Variants in SHANK2 observed in about 807,000 individuals in gnomAD.
SHANK2 encodes SH3 and multiple ankyrin repeat domains 2, also known as SH3 and multiple ankyrin repeat domains protein 2.
In SHANK2, 43 loss-of-function variants were observed where a neutral mutation model predicts 133.7. The observed-to-expected ratio is 0.32, with a 90% CI of 0.25 to 0.41. SHANK2 has a LOEUF of 0.41. Ranked by LOEUF, SHANK2 falls within the 10% of genes least tolerant of loss-of-function variation. The pLI is 1.00. For synonymous variants in SHANK2, 1,017 were observed against 952.8 expected (o/e 1.07, Z -1.24); for missense variants, 1,994 against 2,235.8 (o/e 0.89, Z 2.18).
At chr11:70,719,652 G>A (rs1555028496) in intron 14 of SHANK2, among the ~76,000 whole-genome samples, 1 of 152,030 alleles carries the variant, frequency 6.6e-6, no homozygotes, top group Admixed American at 6.6e-5. Context: ...CACGCCAGGG[G>A]CCCAGGGGGC....
Position 71,093,002 on chromosome 11 carries a change from A to G in SHANK2, c.745-413T>C, listed in dbSNP as rs1472973498. Among the ~76,000 whole-genome samples the G allele has an allele frequency of 3.1e-5, 4 of 130,048 alleles. No individual in the cohort carries two copies. In the South Asian group the frequency reaches 1.1e-3, roughly 36 times the overall value. The allele number at this position is 130,048 out of a possible 152,430, so 85.3% of individuals were successfully genotyped here. On this transcript the variant is annotated intron_variant, in intron 7 of 25. Transcript: ENST00000601538. ...GGTTGCAGTGATCCAAGATTGCACC[A>G]TTGCACTCCAGCCTGGGCAACAAGA...
chr11:70,525,120 G>T (rs1554971873), intron 17 of SHANK2, among the ~76,000 whole-genome samples: 2 of 152,240 alleles, frequency 1.3e-5, no homozygotes, highest in Non-Finnish European at 2.9e-5. Context: ...CAGTACCCAT[G>T]GCAAACAGGG....
intron 2 of SHANK2, among the ~76,000 whole-genome samples, chr11:71,153,082 C>A (rs1952827845): frequency 1.3e-5 from 2 of 152,188 alleles, no homozygotes; most frequent in Non-Finnish European, 2.9e-5. Flanking sequence ...TCTGGCAACA[C>A]CATGGGAGAG....
At chr11:70,491,627 G>A (rs1555155850) in intron 22 of SHANK2, among the ~76,000 whole-genome samples, 1 of 152,270 alleles carries the variant, frequency 6.6e-6, no homozygotes, top group Non-Finnish European at 1.5e-5. Context: ...ACTAAGGTAA[G>A]CAATCAGGAC....
intron 14 of SHANK2, among the ~76,000 whole-genome samples, chr11:70,742,173 G>T (rs1555034908): frequency 6.6e-6 from 1 of 152,194 alleles, no homozygotes; most frequent in Non-Finnish European, 1.5e-5. Context: ...CACATCCCCT[G>T]TGGCCTCATG....
At chr11:71,110,255 G>A (rs560871171) in intron 5 of SHANK2, among the ~76,000 whole-genome samples, 165 of 152,220 alleles carry the variant, frequency 1.1e-3, no homozygotes, top group African/African-American at 3.9e-3. Flanking sequence ...TGGCTAACAC[G>A]GTGAAACCCT....
intron 2 of SHANK2, among the ~76,000 whole-genome samples, chr11:71,169,501 GC>G (rs782035847): frequency 5.3e-5 from 8 of 152,156 alleles, no homozygotes; most frequent in Non-Finnish European, 8.8e-5. Flanking sequence ...TATAATCCTA[GC>G]CACTTTGGGA....
intron 14 of SHANK2, among the ~76,000 whole-genome samples, chr11:70,740,442 A>G (rs1555034483): frequency 6.6e-6 from 1 of 151,952 alleles, no homozygotes. Context: ...GGCTGGGACC[A>G]CCCACCCTCC....
intron 17 of SHANK2, among the ~76,000 whole-genome samples, chr11:70,608,043 C>T (rs560637391): frequency 6.6e-6 from 1 of 152,360 alleles, no homozygotes; most frequent in African/African-American, 2.4e-5. Flanking sequence ...GGGCTCCTGA[C>T]CACTGCCCGC....
At position 71,110,205 on chromosome 11, in the gene SHANK2, G is replaced by A. The variant is rs553490469; in HGVS notation, c.484-156C>T. On this transcript the variant is annotated intron_variant, in intron 5 of 25. Transcript: ENST00000601538. ...TGTAATCCCAGCACTTTGTGAGGCCGAGGCGGGCAGATCACGAGGTCAGGA... is the reference window on the plus strand; with the variant it reads ...TGTAATCCCAGCACTTTGTGAGGCCAAGGCGGGCAGATCACGAGGTCAGGA... 3.9e-5 allele frequency among the ~76,000 whole-genome samples: 6 copies of A among 152,312 alleles called. No homozygotes were observed. In the South Asian group the frequency reaches 6.2e-4, roughly 16 times the overall value.
intron 2 of SHANK2, among the ~76,000 whole-genome samples, chr11:71,215,179 G>A (rs1187039683): frequency 6.6e-6 from 1 of 152,168 alleles, no homozygotes; most frequent in Admixed American, 6.5e-5. Flanking sequence ...TCCGAGTGCT[G>A]GAAAGAACCA....
At chr11:70,856,930 T>A (rs1188815466) in intron 11 of SHANK2, among the ~76,000 whole-genome samples, 32 of 152,230 alleles carry the variant, frequency 2.1e-4, no homozygotes, top group Admixed American at 2.1e-3. Context: ...CACCCCTGGC[T>A]GGCCCTTCCT....
In SHANK2 at chr11:71,175,551, G is replaced by GGAGGGAGA. The variant is rs1953419078; in HGVS notation, c.-12-28214_-12-28213insTCTCCCTC. On this transcript the variant is annotated intron_variant, in intron 2 of 25. Transcript: ENST00000601538. The surrounding 1 kb of genome is among the most constrained non-coding windows in gnomAD (Gnocchi z 4.2). ...CAGACAGACAGAGGGAGAGGGAGAGGGAGAGAGAGAGAGAGAGAGAGAGAG... is the reference window on the plus strand; with the variant it reads ...CAGACAGACAGAGGGAGAGGGAGAGGGAGGGAGAGAGAGAGAGAGAGAGAGAGAGAGAG... 7.4e-5 allele frequency among the ~76,000 whole-genome samples: 3 copies of GGAGGGAGA among 40,652 alleles called. No individual in the cohort carries two copies. Among genetic ancestry groups the GGAGGGAGA allele is most frequent in the African/African-American group, 1.6e-4 (2 of 12,206 alleles). The allele number at this position is 40,652 out of a possible 152,430, so 26.7% of individuals were successfully genotyped here.
At chr11:70,713,441 A>T (rs1323821033) in intron 14 of SHANK2, among the ~76,000 whole-genome samples, 1 of 151,938 alleles carries the variant, frequency 6.6e-6, no homozygotes, top group African/African-American at 2.4e-5. Context: ...CTTTCACAGA[A>T]CCCCCGTAGC....
intron 8 of SHANK2, among the ~76,000 whole-genome samples, chr11:71,085,670 G>A (rs1303273608): frequency 3.6e-4 from 6 of 16,674 alleles, no homozygotes; most frequent in Admixed American, 1.5e-3. Context: ...TATTATATAT[G>A]TTATATATAT....
intron 14 of SHANK2, among the ~76,000 whole-genome samples, chr11:70,712,895 T>C (rs1945823662): frequency 6.6e-6 from 1 of 152,222 alleles, no homozygotes; most frequent in Admixed American, 6.5e-5. Context: ...GTTCCACTTG[T>C]TCCCAGCTCC....
At chr11:70,842,883 C>T (rs1406985573) in intron 11 of SHANK2, among the ~76,000 whole-genome samples, 1 of 152,214 alleles carries the variant, frequency 6.6e-6, no homozygotes, top group African/African-American at 2.4e-5. Context: ...GTGAGAATAA[C>T]ACGGACGGTG....
intron 2 of SHANK2, among the ~76,000 whole-genome samples, chr11:71,202,559 C>G (rs555336387): frequency 1.4e-4 from 21 of 152,222 alleles, no homozygotes; most frequent in Admixed American, 1.2e-3. Flanking sequence ...TCCTCAGGAG[C>G]TGGCTTCCAG....
intron 25 of SHANK2, among the ~76,000 whole-genome samples, chr11:70,475,870 C>T (rs1565519299): frequency 1.3e-5 from 2 of 152,164 alleles, no homozygotes; most frequent in Non-Finnish European, 2.9e-5. Flanking sequence ...CCAACAGGCA[C>T]AAGGCAGGTG....
Sources: gnomAD v4.1 joint callset for allele counts (sites outside exome capture counted in the v4.1 genomes callset) on GRCh38, gnomAD v4.1.1 for gene constraint, Gnocchi (gnomAD v3.1) non-coding constraint, MANE v1.5 for transcripts, NCBI Gene and HGNC (gene_info 2026-07-23, HGNC 2026-07-21) for gene names.